The following KIAA1217 variants were observed in gnomAD, a reference collection of about 807,000 sequenced individuals.
The protein encoded by KIAA1217 is KIAA1217.
In KIAA1217, 88 loss-of-function variants were observed where a neutral mutation model predicts 163.9. The ratio of observed to expected loss-of-function variants is 0.54; its 90% CI spans 0.45 to 0.64. The LOEUF (loss-of-function observed/expected upper bound fraction) is 0.64, where lower values mean the gene tolerates loss of function less well. Ranked by LOEUF, KIAA1217 falls within the 30% of genes least tolerant of loss-of-function variation. The probability of loss-of-function intolerance (pLI) is 0.00; values close to 1 mark genes in which losing one functional copy is unlikely to be tolerated. For synonymous variants in KIAA1217, 903 were observed against 923.1 expected (o/e 0.98, Z 0.39); for missense variants, 2,372 against 2,475.0 (o/e 0.96, Z 0.88).
At chr10:23,833,870 A>G (rs1838328155) in intron 1 of KIAA1217, among the ~76,000 whole-genome samples, 1 of 151,980 alleles carries the variant, frequency 6.6e-6, no homozygotes, top group South Asian at 2.1e-4. Context: ...TATTTCTAAT[A>G]TGTCAAAACA....
intron 2 of KIAA1217, among the ~76,000 whole-genome samples, chr10:24,290,264 A>T (rs1233770068): frequency 1.3e-5 from 2 of 152,148 alleles, no homozygotes; most frequent in African/African-American, 4.8e-5. Flanking sequence ...CATTATCTGC[A>T]TAAGAGTGAG....
At chr10:23,737,008 A>C (rs77631800) in intron 1 of KIAA1217, among the ~76,000 whole-genome samples, 4,169 of 152,292 alleles carry the variant, frequency 0.027, 183 homozygotes, top group African/African-American at 0.091. Flanking sequence ...AATTTGAAAA[A>C]AAATTAAAAT....
chr10:24,439,569 TA>T lies in KIAA1217; in HGVS notation c.846+1091del, dbSNP rs142365955. ...TTACTCTCTTAAATTTTAGAGTCTGTAGACTGAAAGTCTCTGGTCTGACATA... is the reference window on the plus strand; with the variant it reads ...TTACTCTCTTAAATTTTAGAGTCTGTGACTGAAAGTCTCTGGTCTGACATA... On this transcript the variant is annotated intron_variant, in intron 5 of 20. Coordinates refer to ENST00000376454, the MANE Select transcript of KIAA1217 (RefSeq NM_019590.5). 6.7e-3 allele frequency among the ~76,000 whole-genome samples: 1,014 copies of T among 152,080 alleles called. 16 individuals carry two copies. Among genetic ancestry groups the T allele is most frequent in the South Asian group, 0.046 (219 of 4,802 alleles).
intron 1 of KIAA1217, among the ~76,000 whole-genome samples, chr10:23,719,012 C>T (rs557118939): frequency 6.6e-6 from 1 of 152,276 alleles, no homozygotes; most frequent in East Asian, 1.9e-4. Context: ...CATCCTTAAA[C>T]ATGGTATTAC....
intron 5 of KIAA1217, among the ~76,000 whole-genome samples, chr10:24,468,021 C>CT (rs559003845): frequency 5.1e-4 from 77 of 152,252 alleles, no homozygotes; most frequent in African/African-American, 1.8e-3. Flanking sequence ...AAGATCTCTC[C>CT]TTAGTAAGAA....
chr10:23,998,534 G>A (rs989936185), intron 1 of KIAA1217, among the ~76,000 whole-genome samples: 1 of 152,250 alleles, frequency 6.6e-6, no homozygotes, highest in African/African-American at 2.4e-5. Context: ...ACAAGGCACA[G>A]GGGCCAACAG....
In KIAA1217 at chr10:24,531,893, C is replaced by T. The variant is rs373887704; in HGVS notation, c.3146C>T (p.Pro1049Leu). The change falls in exon 15 of 21, where the codon CCG (proline) becomes CTG (leucine). Residue 1049 changes from proline to leucine, a missense_variant. Pro to Leu is a moderately conservative substitution (Grantham distance 98). Coordinates refer to ENST00000376454, the MANE Select transcript of KIAA1217 (RefSeq NM_019590.5). ...GGGGGAAAGTCGCCCCCTCCTCCTC[C>T]GCCACCTCCTCGTCGAAGCTACCTG... ...KLGGKSPPPP[P>L]PPPRRSYLPG... 28 of 1,610,214 alleles carry T rather than the reference C, an allele frequency of 1.7e-5. No individual in the cohort carries two copies. The highest frequency in any genetic ancestry group is 3.3e-5 in the South Asian group (3 of 90,338).
chr10:24,429,348 C>T (rs1035878089), intron 3 of KIAA1217, among the ~76,000 whole-genome samples: 1 of 152,082 alleles, frequency 6.6e-6, no homozygotes, highest in African/African-American at 2.4e-5. Flanking sequence ...GATCTCATGT[C>T]CTTCAGTTTA....
chr10:24,169,778 T>C (rs1266306937), intron 2 of KIAA1217, among the ~76,000 whole-genome samples: 1 of 152,058 alleles, frequency 6.6e-6, no homozygotes, highest in African/African-American at 2.4e-5. Flanking sequence ...CCAGTCTGGG[T>C]CATCATCTGG....
chr10:24,107,139 G>A (rs938703093), intron 2 of KIAA1217, among the ~76,000 whole-genome samples: 4 of 152,144 alleles, frequency 2.6e-5, no homozygotes, highest in African/African-American at 4.8e-5. Context: ...TGCAGTATTT[G>A]GTTTTCTGTT....
intron 1 of KIAA1217, among the ~76,000 whole-genome samples, chr10:23,805,456 A>T (rs1300503383): frequency 1.3e-5 from 2 of 152,184 alleles, no homozygotes; most frequent in Admixed American, 1.3e-4. Flanking sequence ...GTTCTCACTT[A>T]TAAGTGGAAG....
At chr10:24,195,838 A>G (rs2066959153) in intron 2 of KIAA1217, among the ~76,000 whole-genome samples, 1 of 152,178 alleles carries the variant, frequency 6.6e-6, no homozygotes, top group African/African-American at 2.4e-5. Context: ...CATTGAAAAA[A>G]TATGTATTGG....
At chr10:24,432,856 C>T in intron 3 of KIAA1217, 139 bp from the exon 4 acceptor site, 1 of 639,526 alleles carries the variant, frequency 1.6e-6, no homozygotes, top group Non-Finnish European at 2.7e-6. Context: ...TTGGAAATTC[C>T]AAACCTAGAT....
chr10:24,381,011 C>A lies in KIAA1217; in HGVS notation c.497C>A (p.Thr166Asn), dbSNP rs759458411. The change falls in exon 3 of 21, where the codon ACT becomes AAT. Residue 166 changes from threonine (T) to asparagine (N), a missense_variant. Around this residue, in one of 3 missense-constraint regions of KIAA1217, gnomAD observed 1,431 missense variants for 1,470.3 expected, o/e 0.97. Coordinates refer to ENST00000376454, the MANE Select transcript of KIAA1217 (RefSeq NM_019590.5). Reference protein sequence around the residue: ...APTPFSRGSRTRASLPVVRST... With the variant: ...APTPFSRGSRNRASLPVVRST... ...ACCCCTTTTTCCAGAGGCAGCCGGACTCGTGCGAGCCTTCCTGTGGTGAGG... is the reference window on the plus strand; with the variant it reads ...ACCCCTTTTTCCAGAGGCAGCCGGAATCGTGCGAGCCTTCCTGTGGTGAGG... 6.2e-7 allele frequency: 1 copy of A among 1,608,224 alleles called. No individual in the cohort carries two copies. Among genetic ancestry groups the A allele is most frequent in the Admixed American group, 1.7e-5 (1 of 59,244 alleles).
chr10:24,123,332 A>G (rs1021852749), intron 2 of KIAA1217, among the ~76,000 whole-genome samples: 1 of 152,168 alleles, frequency 6.6e-6, no homozygotes, highest in Non-Finnish European at 1.5e-5. Flanking sequence ...ATATAGGTCC[A>G]TTTATTGTAA....
chr10:24,327,398 C>T (rs1258753895), intron 2 of KIAA1217, among the ~76,000 whole-genome samples: 1 of 152,064 alleles, frequency 6.6e-6, no homozygotes, highest in Admixed American at 6.6e-5. Context: ...ATGTAAAGTC[C>T]CCTATAAGTA....
chr10:24,261,655 A>G (rs1025653565), intron 2 of KIAA1217, among the ~76,000 whole-genome samples: 4 of 152,048 alleles, frequency 2.6e-5, no homozygotes, highest in Non-Finnish European at 4.4e-5. Flanking sequence ...AGACAGTGGA[A>G]CCCTCCATGG....
rs536466525 is a variant in KIAA1217, at chr10:23,701,336, C to T, written c.-321+6102C>T. 2.2e-4 allele frequency among the ~76,000 whole-genome samples: 33 copies of T among 152,312 alleles called. No homozygotes were observed. In the South Asian group the frequency reaches 6.8e-3, roughly 32 times the overall value. ...TCTCCAAGATATGGCATAATCCTTT[C>T]CGTGAAATACTTTCTGTCTTAGGGA... On this transcript the variant is annotated intron_variant, in intron 1 of 18. Transcript: ENST00000376462.
chr10:23,728,397 G>A (rs533875598), intron 1 of KIAA1217, among the ~76,000 whole-genome samples: 3 of 152,158 alleles, frequency 2.0e-5, no homozygotes, highest in African/African-American at 7.2e-5. Context: ...GTTTTGATTT[G>A]TATTTCTCTA....
Sources: allele counts gnomAD v4.1 joint callset (sites outside exome capture counted in the v4.1 genomes callset), GRCh38; gene constraint gnomAD v4.1.1; regional missense constraint gnomAD v4.1.1; transcripts MANE v1.5; gene names NCBI Gene and HGNC (gene_info 2026-07-23, HGNC 2026-07-21).